Variants in RBFOX1 observed in about 807,000 individuals in gnomAD.
The protein encoded by RBFOX1 is RNA binding fox-1 homolog 1.
A neutral mutation model predicts 57.7 loss-of-function variants in RBFOX1; 8 were observed. The observed-to-expected ratio is 0.14, with a 90% CI of 0.08 to 0.25. The LOEUF (loss-of-function observed/expected upper bound fraction) is 0.25. Ranked by LOEUF, RBFOX1 falls within the 10% of genes least tolerant of loss-of-function variation. The pLI is 1.00. For missense variants in RBFOX1, 611 were observed against 548.5 expected, an observed-to-expected ratio of 1.11 and a Z score of -1.14; for synonymous variants, 326 against 222.4, an observed-to-expected ratio of 1.47 and a Z score of -4.15.
At chr16:5,670,517 A>C (rs1037301765) in intron 3 of RBFOX1, among the ~76,000 whole-genome samples, 9 of 152,196 alleles carry the variant, frequency 5.9e-5, no homozygotes, top group Non-Finnish European at 1.0e-4. Flanking sequence ...TTTGTCTCTT[A>C]AGCCACAAGC....
chr16:6,411,611 T>C (rs1450752204), intron 2 of RBFOX1, among the ~76,000 whole-genome samples: 1 of 152,202 alleles, frequency 6.6e-6, no homozygotes, highest in Non-Finnish European at 1.5e-5. Flanking sequence ...TGAAAATAGA[T>C]AAATAATGGA....
chr16:6,619,399 G>A (rs2098192676), intron 2 of RBFOX1, among the ~76,000 whole-genome samples: 1 of 152,114 alleles, frequency 6.6e-6, no homozygotes, highest in African/African-American at 2.4e-5. Flanking sequence ...AAGGTGGGAG[G>A]GCTTGTTGAT....
intron 3 of RBFOX1, chr16:6,704,958 T>C (rs1287317186): frequency 6.6e-6 from 1 of 152,152 alleles, no homozygotes; most frequent in Non-Finnish European, 1.5e-5. Flanking sequence ...TCGTGCCAGA[T>C]TCTTTATTTG....
At chr16:6,195,194 C>T (rs2097171823) in intron 1 of RBFOX1, among the ~76,000 whole-genome samples, 1 of 152,116 alleles carries the variant, frequency 6.6e-6, no homozygotes, top group African/African-American at 2.4e-5. Flanking sequence ...GCCTTCTTAC[C>T]TACCGCCTTT....
intron 4 of RBFOX1, among the ~76,000 whole-genome samples, chr16:7,228,013 C>T (rs1009335373): frequency 2.6e-5 from 4 of 152,126 alleles, no homozygotes; most frequent in African/African-American, 9.7e-5. Context: ...CACAGGATAC[C>T]AGTAGCACCC....
chr16:6,752,463 A>T (rs1272052259), intron 3 of RBFOX1, among the ~76,000 whole-genome samples: 1 of 152,206 alleles, frequency 6.6e-6, no homozygotes, highest in Non-Finnish European at 1.5e-5. Flanking sequence ...GAGATGGAAT[A>T]TGACATGCTC....
At chr16:6,568,684 T>C (rs2097301679) in intron 2 of RBFOX1, among the ~76,000 whole-genome samples, 1 of 152,160 alleles carries the variant, frequency 6.6e-6, no homozygotes, top group Non-Finnish European at 1.5e-5. Context: ...TGTAACTCTG[T>C]ATAACAGTAA....
rs568501976 is a variant in RBFOX1 at position 6,875,645 on chromosome 16, A to G, written c.-15-176412A>G. ...GTTGATCCACATCTGGATAAAAATA[A>G]TTTTAACCTAGGAGAAGTTATATTT... On this transcript the variant is annotated intron_variant, in intron 3 of 15. Transcript: ENST00000550418. 2.0e-4 allele frequency among the ~76,000 whole-genome samples: 31 copies of G among 152,330 alleles called. No individual in the cohort carries two copies. In the South Asian group the frequency reaches 6.2e-3, roughly 31 times the overall value.
At chr16:6,372,585 G>C (rs1041775606) in intron 2 of RBFOX1, among the ~76,000 whole-genome samples, 3 of 150,526 alleles carry the variant, frequency 2.0e-5, no homozygotes, top group African/African-American at 7.3e-5. Context: ...GAAGAGTAGA[G>C]TTGGATGGAA....
intron 4 of RBFOX1, among the ~76,000 whole-genome samples, chr16:7,369,344 A>G (rs1174379215): frequency 6.6e-6 from 1 of 152,104 alleles, no homozygotes; most frequent in Non-Finnish European, 1.5e-5. Context: ...TGCAAAGTGG[A>G]GGCCCTAGCA....
intron 3 of RBFOX1, among the ~76,000 whole-genome samples, chr16:6,872,839 G>C (rs1337203299): frequency 6.6e-6 from 1 of 152,126 alleles, no homozygotes; most frequent in Non-Finnish European, 1.5e-5. Flanking sequence ...GTCTTTAAAA[G>C]AGTTAACAGA....
intron 2 of RBFOX1, among the ~76,000 whole-genome samples, chr16:6,509,774 C>G (rs1232768265): frequency 1.3e-5 from 2 of 152,162 alleles, no homozygotes; most frequent in Admixed American, 6.5e-5. Context: ...CATTGCAGAT[C>G]TGTACCAAAA....
Position 6,087,008 on chromosome 16 carries a change from C to T in RBFOX1, c.-127+67016C>T, listed in dbSNP as rs560975269. Among the ~76,000 whole-genome samples the T allele has an allele frequency of 3.9e-5, 6 of 152,268 alleles. No individual in the cohort carries two copies. In the East Asian group the frequency reaches 1.2e-3, roughly 29 times the overall value. On this transcript the variant is annotated intron_variant, in intron 1 of 15. Transcript: ENST00000550418. Reference sequence around the variant, plus strand: ...CATCACTCAAGAGGAACCCTTCTCACAATGGGTAGATATACATTGAGTGGT... The same window carrying T: ...CATCACTCAAGAGGAACCCTTCTCATAATGGGTAGATATACATTGAGTGGT...
chr16:6,216,173 A>G (rs1479292932), intron 1 of RBFOX1, among the ~76,000 whole-genome samples: 4 of 152,106 alleles, frequency 2.6e-5, no homozygotes, highest in African/African-American at 7.2e-5. Flanking sequence ...AAAAATAACT[A>G]ATGGGTACTG....
intron 3 of RBFOX1, among the ~76,000 whole-genome samples, chr16:6,931,443 C>T (rs1450426246): frequency 1.3e-5 from 2 of 151,974 alleles, no homozygotes; most frequent in Non-Finnish European, 2.9e-5. Flanking sequence ...CGTCTGCTGC[C>T]TTGGACCAGC....
intron 4 of RBFOX1, among the ~76,000 whole-genome samples, chr16:7,085,336 C>G (rs1288925069): frequency 6.6e-6 from 1 of 152,004 alleles, no homozygotes; most frequent in Admixed American, 6.6e-5. Context: ...TAGACCTTAC[C>G]TTGCTGGATC....
chr16:6,894,755 A>AT (rs1012868392), intron 3 of RBFOX1, among the ~76,000 whole-genome samples: 1 of 152,032 alleles, frequency 6.6e-6, no homozygotes, highest in African/African-American at 2.4e-5. Context: ...AGTTTAGTTC[A>AT]TTTTTTTCTA....
intron 2 of RBFOX1, among the ~76,000 whole-genome samples, chr16:5,531,879 G>A (rs1213134090): frequency 6.7e-6 from 1 of 149,698 alleles, no homozygotes; most frequent in South Asian, 2.1e-4. Context: ...ACAGCTCACT[G>A]CAACCTCTGC....
chr16:6,824,935 T>C (rs1168882032), intron 3 of RBFOX1, among the ~76,000 whole-genome samples: 1 of 150,620 alleles, frequency 6.6e-6, no homozygotes, highest in Non-Finnish European at 1.5e-5. Flanking sequence ...TGGTACATGA[T>C]TAAGTGCATC....
Sources: allele counts gnomAD v4.1 joint callset (sites outside exome capture counted in the v4.1 genomes callset), GRCh38; gene constraint gnomAD v4.1.1; transcripts MANE v1.5; gene names NCBI Gene and HGNC (gene_info 2026-07-23, HGNC 2026-07-21).